MARCHF1: variants seen among roughly 807,000 people sequenced by gnomAD.
The protein encoded by MARCHF1 is membrane associated ring-CH-type finger 1, also known as E3 ubiquitin-protein ligase MARCHF1.
In MARCHF1, 40 loss-of-function variants were observed where a neutral mutation model predicts 54.2. The observed-to-expected ratio is 0.74, with a 90% CI of 0.57 to 0.96. The LOEUF is 0.96. MARCHF1 is among the 40% of genes least tolerant of loss of function. The pLI is 0.00. For synonymous variants in MARCHF1, 236 were observed against 236.3 expected (o/e 1.00, Z 0.01); for missense variants, 586 against 656.5 (o/e 0.89, Z 1.17).
At chr4:164,063,760 T>A (rs1359824072) in intron 2 of MARCHF1, among the ~76,000 whole-genome samples, 1 of 152,220 alleles carries the variant, frequency 6.6e-6, no homozygotes, top group Non-Finnish European at 1.5e-5. Flanking sequence ...TATACGAGTA[T>A]AGTCAGATAA....
intron 3 of MARCHF1, among the ~76,000 whole-genome samples, chr4:163,984,011 C>T (rs192572440): frequency 8.6e-5 from 13 of 150,888 alleles, no homozygotes; most frequent in Admixed American, 8.6e-4. Context: ...ATTTATTTTA[C>T]TAATAAATAA....
intron 4 of MARCHF1, among the ~76,000 whole-genome samples, chr4:163,798,455 G>A (rs1747985683): frequency 6.6e-6 from 1 of 152,156 alleles, no homozygotes; most frequent in Non-Finnish European, 1.5e-5. Context: ...TCAACATAAT[G>A]TCTTTTTAAA....
chr4:163,866,805 T>C (rs1579352286), intron 3 of MARCHF1, among the ~76,000 whole-genome samples: 3 of 151,756 alleles, frequency 2.0e-5, no homozygotes, highest in Non-Finnish European at 4.4e-5. Context: ...AGTTTTATTA[T>C]AGCAAAAGGA....
rs576986064 is a variant in MARCHF1, at chr4:164,054,834, C to G, written c.-248+56754G>C. 2.0e-3 allele frequency among the ~76,000 whole-genome samples: 300 copies of G among 148,190 alleles called. 2 individuals are homozygous for G. The highest frequency in any genetic ancestry group is 3.7e-3 in the Non-Finnish European group (248 of 67,088). ...GGGAGATATACCTAATGCTAGATGA[C>G]GAGTTAGTGGGTGCAGTGCACCAGC... On this transcript the variant is annotated intron_variant, in intron 2 of 9. Coordinates refer to ENST00000514618, the MANE Select transcript of MARCHF1 (RefSeq NM_001394959.1).
At chr4:164,182,460 C>G (rs1046970397) in intron 1 of MARCHF1, among the ~76,000 whole-genome samples, 4 of 151,908 alleles carry the variant, frequency 2.6e-5, no homozygotes, top group Admixed American at 6.6e-5. Context: ...GTAAAAAAAG[C>G]AACTTGCAAA....
chr4:163,529,493 C>T (rs1738271960), intron 9 of MARCHF1, among the ~76,000 whole-genome samples: 3 of 151,730 alleles, frequency 2.0e-5, no homozygotes, highest in Non-Finnish European at 1.5e-5. Flanking sequence ...GTCTTCCCAC[C>T]CTCATTTATT....
In MARCHF1 at chr4:163,825,183, A is replaced by T. The variant is rs372248505; in HGVS notation, c.111+28838T>A. 9.9e-5 allele frequency among the ~76,000 whole-genome samples: 15 copies of T among 152,156 alleles called. No homozygotes were observed. In the East Asian group the frequency reaches 2.3e-3, roughly 23 times the overall value. On this transcript the variant is annotated intron_variant, in intron 4 of 9. Coordinates refer to ENST00000514618, the MANE Select transcript of MARCHF1 (RefSeq NM_001394959.1). The stretch of plus-strand genomic sequence containing the variant: ...CATATGTGATACACTTATAAGTGAG[A>T]ACATGCTGCGTTTGGTTTTCTGTTC...
chr4:163,883,969 G>A (rs770152381), intron 3 of MARCHF1, among the ~76,000 whole-genome samples: 7 of 152,150 alleles, frequency 4.6e-5, no homozygotes, highest in Non-Finnish European at 7.3e-5. Flanking sequence ...CACATGCACT[G>A]TGATTACTGA....
intron 4 of MARCHF1, among the ~76,000 whole-genome samples, chr4:163,787,889 C>T (rs370277991): frequency 5.7e-4 from 87 of 152,002 alleles, no homozygotes; most frequent in African/African-American, 2.0e-3. Context: ...GGATATTATA[C>T]AACCTTAAGA....
chr4:163,554,770 C>A (rs1739229108), intron 8 of MARCHF1, among the ~76,000 whole-genome samples: 1 of 152,074 alleles, frequency 6.6e-6, no homozygotes, highest in African/African-American at 2.4e-5. Flanking sequence ...CCAGTAAATT[C>A]AAAGCTACCA....
intron 3 of MARCHF1, among the ~76,000 whole-genome samples, chr4:163,871,219 G>C (rs1321462327): frequency 1.3e-5 from 2 of 152,114 alleles, no homozygotes; most frequent in African/African-American, 4.8e-5. Context: ...TCATATGTGA[G>C]AGACAGAGAA....
intron 3 of MARCHF1, among the ~76,000 whole-genome samples, chr4:163,943,924 C>T (rs1751969527): frequency 6.6e-6 from 1 of 151,922 alleles, no homozygotes; most frequent in African/African-American, 2.4e-5. Flanking sequence ...TACTACAATG[C>T]ACCATTTACT....
At chr4:163,768,460 G>T (rs1444590114) in intron 4 of MARCHF1, among the ~76,000 whole-genome samples, 1 of 152,158 alleles carries the variant, frequency 6.6e-6, no homozygotes, top group Non-Finnish European at 1.5e-5. Flanking sequence ...AGAAAGACAT[G>T]TAGTTTTACT....
At chr4:163,828,044 C>CAT (rs1177194770) in intron 4 of MARCHF1, among the ~76,000 whole-genome samples, 9 of 126,148 alleles carry the variant, frequency 7.1e-5, no homozygotes, top group Non-Finnish European at 1.5e-4. Context: ...CACACACACA[C>CAT]ACACACACAC....
At chr4:164,071,550 T>G (rs1298652211) in intron 2 of MARCHF1, among the ~76,000 whole-genome samples, 1 of 152,168 alleles carries the variant, frequency 6.6e-6, no homozygotes, top group Non-Finnish European at 1.5e-5. Context: ...TGTATTCATT[T>G]TATATAATAC....
intron 5 of MARCHF1, among the ~76,000 whole-genome samples, chr4:163,650,525 C>T (rs539387530): frequency 2.6e-5 from 4 of 151,920 alleles, no homozygotes; most frequent in South Asian, 2.1e-4. Context: ...TTATATGTGA[C>T]GATGAAGCTT....
rs367769414 is a variant in MARCHF1 at position 164,147,080 on chromosome 4, C to T, written c.-322-35418G>A. On this transcript the variant is annotated intron_variant, in intron 1 of 9. Coordinates refer to ENST00000514618, the MANE Select transcript of MARCHF1 (RefSeq NM_001394959.1). ...CAAAAAACACATGAAAAAATGCTCA[C>T]CATCACTGGCCATCAGAGAAATGCA... Among the ~76,000 whole-genome samples, 4 of 152,060 alleles carry T rather than the reference C, an allele frequency of 2.6e-5. No homozygotes were observed. In the East Asian group the frequency reaches 5.8e-4, roughly 22 times the overall value.
intron 1 of MARCHF1, among the ~76,000 whole-genome samples, chr4:164,123,501 T>C (rs555634789): frequency 6.6e-6 from 1 of 152,280 alleles, no homozygotes; most frequent in Admixed American, 6.5e-5. Context: ...AAAGCTATCC[T>C]AAGCAAAAAG....
chr4:163,745,115 CTT>C (rs537922396), intron 4 of MARCHF1, among the ~76,000 whole-genome samples: 15 of 139,328 alleles, frequency 1.1e-4, no homozygotes, highest in Admixed American at 2.9e-4. Context: ...TTCTTTCTTT[CTT>C]TTTTTTTTTT....
Sources: allele counts gnomAD v4.1 joint callset (sites outside exome capture counted in the v4.1 genomes callset), GRCh38; gene constraint gnomAD v4.1.1; transcripts MANE v1.5; gene names NCBI Gene and HGNC (gene_info 2026-07-23, HGNC 2026-07-21).